Variants in KDR observed in about 807,000 individuals in gnomAD.
KDR encodes kinase insert domain receptor.
A neutral mutation model predicts 160.9 loss-of-function variants in KDR; 43 were observed. The ratio of observed to expected loss-of-function variants is 0.27; its 90% confidence interval spans 0.21 to 0.34. KDR has a LOEUF of 0.34. Among genes scored for constraint, KDR ranks in the 10% least tolerant of loss-of-function variants. The pLI is 1.00. For synonymous variants in KDR, 617 were observed against 600.1 expected, an observed-to-expected ratio of 1.03 and a Z score of -0.41; for missense variants, 1,469 against 1,666.4, an observed-to-expected ratio of 0.88 and a Z score of 2.06.
chr4:55,114,806 G>T, intron 5 of KDR, 68 bp downstream of exon 5: 1 of 1,362,144 alleles, frequency 7.3e-7, no homozygotes, highest in Non-Finnish European at 1.1e-6. Context: ...TTCACTCTAT[G>T]TTGTTATCTC....
intron 21 of KDR, among the ~76,000 whole-genome samples, chr4:55,093,888 C>T (rs1400653564): frequency 1.3e-5 from 2 of 152,106 alleles, no homozygotes; most frequent in African/African-American, 4.8e-5. Context: ...ACCACAGCTC[C>T]ACCCAAAAAG....
chr4:55,106,431 C>G (rs1035879617), intron 11 of KDR, among the ~76,000 whole-genome samples: 1 of 152,036 alleles, frequency 6.6e-6, no homozygotes, highest in African/African-American at 2.4e-5. Context: ...TTTTTTCATT[C>G]TCATGTTTAT....
intron 11 of KDR, among the ~76,000 whole-genome samples, 169 bp downstream of exon 11, chr4:55,106,518 T>C (rs1298097556): frequency 6.6e-6 from 1 of 152,158 alleles, no homozygotes; most frequent in Non-Finnish European, 1.5e-5. Context: ...AAGCTATTAA[T>C]AAGTTAATGG....
intron 7 of KDR, among the ~76,000 whole-genome samples, chr4:55,112,467 T>C (rs969799580): frequency 7.2e-5 from 11 of 152,074 alleles, no homozygotes; most frequent in African/African-American, 2.7e-4. Context: ...CAGTAGGGCT[T>C]CCAGTCAACA....
chr4:55,100,406 C>T lies in KDR; in HGVS notation c.2266+1491G>A, dbSNP rs116670019. 7.1e-3 allele frequency among the ~76,000 whole-genome samples: 1,080 copies of T among 152,164 alleles called. 11 individuals carry two copies. Among genetic ancestry groups the T allele is most frequent in the Non-Finnish European group, 0.012 (792 of 68,010 alleles). ...CTATGTGTTTGTATATTAATATTCT[C>T]GCATAACATTTGGGAACCCAGCAGG... is the stretch of plus-strand genomic sequence containing the variant. On this transcript the variant is annotated intron_variant, in intron 15 of 29. Coordinates refer to ENST00000263923, the MANE Select transcript of KDR (RefSeq NM_002253.4).
chr4:55,117,822 T>C (rs957710544), intron 3 of KDR, among the ~76,000 whole-genome samples: 2 of 152,228 alleles, frequency 1.3e-5, no homozygotes, highest in African/African-American at 4.8e-5. Context: ...TCCTTAAATT[T>C]ATATCATAGG....
At position 55,104,647 on chromosome 4, in the gene KDR, G is replaced by T. The variant is rs144568354; in HGVS notation, c.1983C>A (p.Val661=). The part of the protein sequence containing the change: ...KRHCVVRQLT[V]LERVAPTITG... ...GATCCAGAATTGTCTCCCTACCTAG[G>T]ACTGTGAGCTGCCTGACCACGCAAT... The change falls in exon 13 of 30, where the codon GTC becomes GTA. Residue 661 remains valine, a synonymous_variant. Transcript: ENST00000263923. 499 of 1,612,898 alleles carry T rather than the reference G, an allele frequency of 3.1e-4. No individual in the cohort carries two copies. The highest frequency in any genetic ancestry group is 3.9e-4 in the Non-Finnish European group (462 of 1,179,382).
At chr4:55,095,407 A>G (rs1311897970) in intron 20 of KDR, among the ~76,000 whole-genome samples, 170 bp downstream of exon 20, 1 of 152,142 alleles carries the variant, frequency 6.6e-6, no homozygotes, top group Non-Finnish European at 1.5e-5. Flanking sequence ...CATAAAACAG[A>G]AACATATGGC....
intron 15 of KDR, among the ~76,000 whole-genome samples, 180 bp from the exon 16 acceptor site, chr4:55,098,983 AT>A (rs887185088): frequency 2.7e-3 from 109 of 40,472 alleles, no homozygotes; most frequent in African/African-American, 0.017. Flanking sequence ...TTTGAATTTA[AT>A]TTATTTATTT....
intron 29 of KDR, 106 bp from the exon 30 acceptor site, chr4:55,080,269 ACCGCAGCC>A (rs1194870962): frequency 1.6e-5 from 15 of 938,632 alleles, no homozygotes; most frequent in Non-Finnish European, 2.2e-5. Context: ...CTCCCTGGAG[ACCGCAGCC>A]CCGTATCTCT....
At chr4:55,091,595 A>C in intron 22 of KDR, among the ~76,000 whole-genome samples, 1 of 152,228 alleles carries the variant, frequency 6.6e-6, no homozygotes, top group East Asian at 1.9e-4. Flanking sequence ...GGGAGAGAGA[A>C]CATAAGAGCT....
Position 55,082,056 on chromosome 4 carries a change from A to G in KDR, c.3763-15T>C, listed in dbSNP as rs1459486283. On this transcript the variant is annotated splice_polypyrimidine_tract_variant and intron_variant, in intron 28 of 29. Transcript: ENST00000263923. ...GTCTGGTTGTCCTTTTTAAGAGACA[A>G]TGAGATGGCACAGTTAATTGAGCAT... 6.5e-7 allele frequency: 1 copy of G among 1,538,818 alleles called. No homozygotes were observed. The highest frequency in any genetic ancestry group is 1.4e-5 in the African/African-American group (1 of 73,474).
At chr4:55,121,022 T>C (rs1720858331) in intron 2 of KDR, 75 bp downstream of exon 2, 1 of 998,528 alleles carries the variant, frequency 1.0e-6, no homozygotes, top group African/African-American at 1.6e-5. Context: ...AATTCTGCTC[T>C]ACTGGAAATT....
At chr4:55,121,771 G>A (rs765552796) in intron 1 of KDR, among the ~76,000 whole-genome samples, 2 of 152,122 alleles carry the variant, frequency 1.3e-5, no homozygotes, top group Non-Finnish European at 2.9e-5. Flanking sequence ...GCAAGGGAGA[G>A]AAACTGAGGA....
At chr4:55,083,258 C>T (rs548187947) in intron 27 of KDR, among the ~76,000 whole-genome samples, 2 of 152,242 alleles carry the variant, frequency 1.3e-5, no homozygotes, top group African/African-American at 4.8e-5. Context: ...TTGAGAATAA[C>T]AAGATATTTT....
chr4:55,098,833 CA>C, intron 15 of KDR, 30 bp from the exon 16 acceptor site: 1 of 1,480,434 alleles, frequency 6.8e-7, no homozygotes, highest in Non-Finnish European at 9.4e-7. Flanking sequence ...TGAGTATCAA[CA>C]GTTGGAAACT....
rs756900989 is a variant in KDR at position 55,125,209 on chromosome 4, C to T, written c.67+18G>A. The T allele has an allele frequency of 3.7e-6, 6 of 1,609,898 alleles. No individual in the cohort carries two copies. The highest frequency in any genetic ancestry group is 1.3e-5 in the African/African-American group (1 of 74,900). ...CACCCGACCTGTCTGCCTTCCTCCT[C>T]CAGAGTGGGCTCCTTACCCACAGAG... On this transcript the variant is annotated intron_variant, in intron 1 of 29. Coordinates refer to ENST00000263923, the MANE Select transcript of KDR (RefSeq NM_002253.4).
intron 17 of KDR, 88 bp from the exon 18 acceptor site, chr4:55,097,854 G>A (rs1285304898): frequency 4.2e-6 from 4 of 953,024 alleles, no homozygotes; most frequent in African/African-American, 1.6e-5. Context: ...TAGATAGGGT[G>A]ACCATACATC....
chr4:55,093,612 A>G (rs1177958658), intron 21 of KDR, among the ~76,000 whole-genome samples: 1 of 151,994 alleles, frequency 6.6e-6, no homozygotes, highest in Admixed American at 6.6e-5. Flanking sequence ...AGCCTAGACC[A>G]CCTCCCCATG....
Sources: gnomAD v4.1 joint callset for allele counts (sites outside exome capture counted in the v4.1 genomes callset) on GRCh38, gnomAD v4.1.1 for gene constraint, MANE v1.5 for transcripts, NCBI Gene and HGNC (gene_info 2026-07-23, HGNC 2026-07-21) for gene names.